ATP1A4: variants seen among roughly 807,000 people sequenced by gnomAD.
ATP1A4 encodes the protein ATPase Na+/K+ transporting subunit alpha 4, also known as sodium/potassium-transporting ATPase subunit alpha-4.
A neutral mutation model predicts 114.3 loss-of-function variants in ATP1A4; 90 were observed. The ratio of observed to expected loss-of-function variants is 0.79; its 90% CI spans 0.66 to 0.94. ATP1A4 has a LOEUF of 0.94. Ranked by LOEUF, ATP1A4 falls within the 40% of genes least tolerant of loss-of-function variation. ATP1A4 has a pLI of 0.00. For synonymous variants in ATP1A4, 511 were observed against 494.1 expected, an observed-to-expected ratio of 1.03 and a Z score of -0.45; for missense variants, 1,222 against 1,313.6, an observed-to-expected ratio of 0.93 and a Z score of 1.08.
chr1:160,171,105 G>T (rs1315599713), intron 10 of ATP1A4, 146 bp from the exon 11 acceptor site: 20 of 678,680 alleles, frequency 2.9e-5, no homozygotes, highest in Non-Finnish European at 4.4e-5. Flanking sequence ...GTTCAACCTG[G>T]GGCGAGATGT....
chr1:160,159,980 CA>C (rs938035887), intron 6 of ATP1A4, among the ~76,000 whole-genome samples: 1 of 152,142 alleles, frequency 6.6e-6, no homozygotes, highest in Non-Finnish European at 1.5e-5. Context: ...CTTGAATTAC[CA>C]GAGGTGCCAC....
intron 17 of ATP1A4, 74 bp from the exon 18 acceptor site, chr1:160,177,445 G>C: frequency 1.3e-6 from 2 of 1,546,888 alleles, no homozygotes; most frequent in Non-Finnish European, 1.8e-6. Context: ...CCAGCCCCCA[G>C]CCCTCCCCTG....
chr1:160,163,452 A>G lies in ATP1A4; in HGVS notation c.779-704A>G, dbSNP rs1327253571. Among the ~76,000 whole-genome samples the G allele has an allele frequency of 2.6e-5, 4 of 152,134 alleles. No homozygotes were observed. The East Asian group carries it at 7.7e-4, about 29-fold the overall frequency. On this transcript the variant is annotated intron_variant, in intron 6 of 21. Transcript: ENST00000368081. Reference sequence around the variant, plus strand: ...CACGACTCCCTCCTCAGGTTTGATTAATTTGCTAGGATGGCTCACAGAACT... The same window carrying G: ...CACGACTCCCTCCTCAGGTTTGATTGATTTGCTAGGATGGCTCACAGAACT...
chr1:160,157,778 G>C (rs151180633), intron 4 of ATP1A4, among the ~76,000 whole-genome samples: 1 of 152,300 alleles, frequency 6.6e-6, no homozygotes, highest in African/African-American at 2.4e-5. Flanking sequence ...GTTAATAGGT[G>C]AATCTGGATA....
Position 160,151,821 on chromosome 1 carries a change from G to A in ATP1A4, c.-220G>A. 2.0e-6 allele frequency: 1 copy of A among 495,454 alleles called. No individual in the cohort carries two copies. The allele number at this position is 495,454 out of a possible 1,614,324, so 30.7% of individuals were successfully genotyped here. ...CTCTTCCTCTTCCCAGCGGACGGCTGGAGGACCGCTCAGTCTCTCCTCTCT... is the reference window on the plus strand; with the variant it reads ...CTCTTCCTCTTCCCAGCGGACGGCTAGAGGACCGCTCAGTCTCTCCTCTCT... On this transcript the variant is annotated 5_prime_UTR_variant, in exon 1 of 22. Transcript: ENST00000368081.
intron 13 of ATP1A4, 127 bp downstream of exon 13, chr1:160,173,844 C>A (rs1252607016): frequency 4.3e-5 from 53 of 1,220,204 alleles, no homozygotes; most frequent in Non-Finnish European, 5.9e-5. Context: ...GTTTACACTA[C>A]AAAGTAAAAC....
chr1:160,178,855 A>G (rs575810559), intron 18 of ATP1A4, among the ~76,000 whole-genome samples: 1 of 152,356 alleles, frequency 6.6e-6, no homozygotes, highest in East Asian at 1.9e-4. Flanking sequence ...TTTAGTAGGT[A>G]TGCTTTTTTG....
Position 160,152,062 on chromosome 1 carries a change from G to C in ATP1A4, c.22G>C (p.Gly8Arg). MGLWGKKGTVAPHDQSPR... is the reference protein window; with the variant it reads MGLWGKKRTVAPHDQSPR... ...AGCTATGGGGCTTTGGGGGAAGAAA[G>C]GGACAGTGGCTCCCCATGACCAGAG... The change falls in exon 1 of 22, where the codon GGG (glycine) becomes CGG (arginine). Residue 8 changes from glycine (G) to arginine (R), a missense_variant. Transcript: ENST00000368081. 1 of 1,613,752 alleles carries C rather than the reference G, an allele frequency of 6.2e-7. No individual in the cohort carries two copies. Among genetic ancestry groups the C allele is most frequent in the Non-Finnish European group, 8.5e-7 (1 of 1,179,856 alleles).
chr1:160,161,102 A>C (rs1215984292), intron 6 of ATP1A4, among the ~76,000 whole-genome samples: 1 of 152,216 alleles, frequency 6.6e-6, no homozygotes, highest in Non-Finnish European at 1.5e-5. Context: ...AAAACCCAAC[A>C]TGTGGCCAAG....
At chr1:160,163,519 A>T (rs920289075) in intron 6 of ATP1A4, among the ~76,000 whole-genome samples, 25 of 152,300 alleles carry the variant, frequency 1.6e-4, no homozygotes, top group African/African-American at 5.8e-4. Flanking sequence ...ATTATAAAGG[A>T]TATTACAAGG....
intron 15 of ATP1A4, among the ~76,000 whole-genome samples, chr1:160,175,720 A>G (rs1653436237): frequency 6.6e-6 from 1 of 152,032 alleles, no homozygotes; most frequent in South Asian, 2.1e-4. Flanking sequence ...ACAGCTAGCT[A>G]TGGCAGAAGA....
At chr1:160,152,748 G>A (rs749068904) in intron 1 of ATP1A4, among the ~76,000 whole-genome samples, 33 of 152,062 alleles carry the variant, frequency 2.2e-4, no homozygotes, top group Non-Finnish European at 4.1e-4. Flanking sequence ...AAAATAGTGG[G>A]GAGCTAGGCC....
Position 160,171,743 on chromosome 1 carries a change from A to C in ATP1A4, c.1840A>C (p.Ser614Arg), listed in dbSNP as rs565334692. 5 of 1,614,084 alleles carry C rather than the reference A, an allele frequency of 3.1e-6. No homozygotes were observed. Among genetic ancestry groups the C allele is most frequent in the South Asian group, 1.1e-5 (1 of 91,042 alleles). Reference sequence around the variant, plus strand: ...GCCTGATGCTGTGAGCAAGTGTCGCAGTGCAGGAATTAAGGTAAATACTTG... The same window carrying C: ...GCCTGATGCTGTGAGCAAGTGTCGCCGTGCAGGAATTAAGGTAAATACTTG... ...AVPDAVSKCR[S>R]AGIKVIMVTG... Residue 614 changes from serine to arginine, a missense_variant, in exon 12 of 22, where the codon AGT becomes CGT. By Grantham distance (110) the Ser-to-Arg change is moderately radical. Coordinates refer to ENST00000368081, the MANE Select transcript of ATP1A4 (RefSeq NM_144699.4).
intron 6 of ATP1A4, among the ~76,000 whole-genome samples, chr1:160,163,151 G>A (rs888140522): frequency 2.0e-5 from 3 of 151,778 alleles, no homozygotes; most frequent in Admixed American, 6.6e-5. Flanking sequence ...GACCATCTCT[G>A]ATGGAAAAAA....
intron 20 of ATP1A4, chr1:160,183,423 G>A (rs1279074350): frequency 6.6e-6 from 1 of 151,922 alleles, no homozygotes; most frequent in Non-Finnish European, 1.5e-5. Flanking sequence ...ATAAAACTTA[G>A]CACCTAATCT....
Position 160,159,423 on chromosome 1 carries a change from C to T in ATP1A4, c.675C>T (p.Ser225=), listed in dbSNP as rs772810261. The change falls in exon 6 of 22, where the codon TCC becomes TCT. Residue 225 remains serine (S), a synonymous_variant. Coordinates refer to ENST00000368081, the MANE Select transcript of ATP1A4 (RefSeq NM_144699.4). The part of the protein sequence containing the change: ...SAQGCKVDNS[S]LTGESEPQSR... Reference sequence around the variant, plus strand: ...TCCCATCCCAGGTGGACAACTCATCCTTGACTGGGGAGTCAGAACCCCAGA... The same window carrying T: ...TCCCATCCCAGGTGGACAACTCATCTTTGACTGGGGAGTCAGAACCCCAGA... 2.5e-6 allele frequency: 4 copies of T among 1,613,064 alleles called. No individual in the cohort carries two copies. Among genetic ancestry groups the T allele is most frequent in the Non-Finnish European group, 8.5e-7 (1 of 1,179,674 alleles).
At chr1:160,152,283 A>G in intron 1 of ATP1A4, 96 bp downstream of exon 1, 1 of 1,371,426 alleles carries the variant, frequency 7.3e-7, no homozygotes, top group Non-Finnish European at 9.8e-7. Context: ...CACACAGGCC[A>G]GAGCCACATC....
chr1:160,180,694 C>CTTTT (rs536915261), intron 18 of ATP1A4, among the ~76,000 whole-genome samples: 1 of 68,486 alleles, frequency 1.5e-5, no homozygotes, highest in African/African-American at 6.5e-5. Context: ...GCCTTCTTCC[C>CTTTT]TTTTTTTTTT....
Position 160,186,853 on chromosome 1 carries a change from G to C in ATP1A4, c.*154G>C. 1.1e-6 allele frequency: 1 copy of C among 890,962 alleles called. No individual in the cohort carries two copies. The allele number at this position is 890,962 out of a possible 1,614,324, so 55.2% of individuals were successfully genotyped here. On this transcript the variant is annotated 3_prime_UTR_variant, in exon 22 of 22. Transcript: ENST00000368081. ...TCCTGGGCTGGCTTGAGGGAATCAT[G>C]GGCAGAGGATGAGGTGGGCTGAAGG...
Sources: allele counts gnomAD v4.1 joint callset (sites outside exome capture counted in the v4.1 genomes callset), GRCh38; gene constraint gnomAD v4.1.1; transcripts MANE v1.5; gene names NCBI Gene and HGNC (gene_info 2026-07-23, HGNC 2026-07-21).